Variants in VPS13B observed in about 807,000 individuals in gnomAD.
VPS13B encodes vacuolar protein sorting 13 homolog B.
Under a neutral mutation model 426.4 loss-of-function variants are expected in VPS13B, and 285 were observed. The observed-to-expected ratio is 0.67, with a 90% CI of 0.61 to 0.74. The LOEUF (loss-of-function observed/expected upper bound fraction) is 0.74. Among genes scored for constraint, VPS13B ranks in the 30% least tolerant of loss-of-function variants. The probability of loss-of-function intolerance (pLI) is 0.00; values close to 1 mark genes in which losing one functional copy is unlikely to be tolerated. For synonymous variants in VPS13B, 1,676 were observed against 1,676.4 expected, an observed-to-expected ratio of 1.00 and a Z score of 0.01; for missense variants, 4,537 against 4,782.6, an observed-to-expected ratio of 0.95 and a Z score of 1.51.
At chr8:99,670,772 A>G (rs1001035182) in intron 35 of VPS13B, among the ~76,000 whole-genome samples, 2 of 152,116 alleles carry the variant, frequency 1.3e-5, no homozygotes, top group Non-Finnish European at 2.9e-5. Context: ...ATTTAGCATA[A>G]TATCTTCAAG....
At chr8:99,819,151 T>C (rs1814219743) in intron 47 of VPS13B, among the ~76,000 whole-genome samples, 1 of 152,078 alleles carries the variant, frequency 6.6e-6, no homozygotes, top group Non-Finnish European at 1.5e-5. Flanking sequence ...TCAGAACTTT[T>C]AATTTAATTT....
At chr8:99,404,812 GTCT>G (rs956893846) in intron 21 of VPS13B, among the ~76,000 whole-genome samples, 11 of 152,118 alleles carry the variant, frequency 7.2e-5, no homozygotes, top group South Asian at 4.1e-4. Flanking sequence ...ACACGGTCTT[GTCT>G]TCTTCATTTA....
At chr8:99,517,938 C>T (rs1286014128) in intron 29 of VPS13B, among the ~76,000 whole-genome samples, 34 of 150,090 alleles carry the variant, frequency 2.3e-4, no homozygotes, top group Admixed American at 2.2e-3. Flanking sequence ...TTTTACATCT[C>T]GGTGATATAT....
intron 21 of VPS13B, among the ~76,000 whole-genome samples, chr8:99,399,771 A>T (rs1814934354): frequency 6.6e-6 from 1 of 152,160 alleles, no homozygotes; most frequent in Non-Finnish European, 1.5e-5. Flanking sequence ...GTATGTCTCC[A>T]TGTGTGCCGT....
chr8:99,781,200 C>T (rs1224781237), intron 42 of VPS13B, among the ~76,000 whole-genome samples: 2 of 152,128 alleles, frequency 1.3e-5, no homozygotes, highest in Non-Finnish European at 2.9e-5. Flanking sequence ...TTTCTTTTCC[C>T]TTTTATAAAT....
intron 15 of VPS13B, 135 bp downstream of exon 15, chr8:99,156,878 G>A: frequency 1.4e-6 from 1 of 740,292 alleles, no homozygotes. Flanking sequence ...GAAATAAGAT[G>A]TATTTATTCC....
chr8:99,389,421 C>T (rs1814301507), intron 20 of VPS13B, among the ~76,000 whole-genome samples: 2 of 152,196 alleles, frequency 1.3e-5, no homozygotes, highest in Admixed American at 1.3e-4. Context: ...TGGTCAAAAA[C>T]CCGTGTATAC....
chr8:99,549,789 C>CA lies in VPS13B; in HGVS notation c.4746-6660dup, dbSNP rs558494253. On this transcript the variant is annotated intron_variant, in intron 30 of 61. Transcript: ENST00000357162. ...CCAGGCCCGCTGTTCAGAGCCTTTT[C>CA]AGGGTTTCTAGATGTGCTACTGCCT... 5.9e-5 allele frequency among the ~76,000 whole-genome samples: 9 copies of CA among 152,186 alleles called. No homozygotes were observed. In the East Asian group the frequency reaches 1.4e-3, roughly 23 times the overall value.
intron 20 of VPS13B, among the ~76,000 whole-genome samples, chr8:99,389,888 G>T (rs1055252542): frequency 3.3e-5 from 5 of 151,910 alleles, no homozygotes; most frequent in Non-Finnish European, 5.9e-5. Flanking sequence ...AGTATAAGAG[G>T]TTTTCTAGTC....
rs748727467 is a variant in VPS13B at position 99,859,378 on chromosome 8, G to T, written c.10942G>T (p.Asp3648Tyr). ...GAGAAGCATCGGGAACGGGGTCGCC[G>T]ACTTCTTCAGGCTTCCGTATGAGGG... ...LVRSIGNGVA[D>Y]FFRLPYEGLT... Residue 3648 changes from aspartate to tyrosine, a missense_variant, in exon 57 of 62, where the codon GAC becomes TAC. This residue lies in a region of VPS13B where 4,311 missense variants were observed against 4,474.3 expected (regional missense o/e 0.96). Transcript: ENST00000357162. 1.2e-6 allele frequency: 2 copies of T among 1,614,028 alleles called. No individual in the cohort carries two copies. Among genetic ancestry groups the T allele is most frequent in the South Asian group, 2.2e-5 (2 of 91,060 alleles).
At chr8:99,099,664 T>C (rs371073009) in intron 4 of VPS13B, among the ~76,000 whole-genome samples, 4 of 152,132 alleles carry the variant, frequency 2.6e-5, no homozygotes, top group African/African-American at 9.7e-5. Context: ...AGGTGTAGGA[T>C]GGAGGACATT....
chr8:99,444,673 T>G (rs1252658181), intron 23 of VPS13B, among the ~76,000 whole-genome samples: 1 of 152,112 alleles, frequency 6.6e-6, no homozygotes. Context: ...TTATTTCTTT[T>G]TATTTATTTA....
intron 33 of VPS13B, among the ~76,000 whole-genome samples, chr8:99,586,102 T>C (rs1398691104): frequency 6.6e-6 from 1 of 152,160 alleles, no homozygotes; most frequent in African/African-American, 2.4e-5. Context: ...ATCCTCAGAG[T>C]TTGACAGAAA....
chr8:99,233,538 A>AT (rs1816469843), intron 17 of VPS13B: 1 of 1,132,610 alleles, frequency 8.8e-7, no homozygotes, highest in East Asian at 2.3e-5. Flanking sequence ...CAAACTGGTG[A>AT]TGGGGGTACA....
At chr8:99,083,378 G>A (rs976796417) in intron 3 of VPS13B, among the ~76,000 whole-genome samples, 8 of 152,132 alleles carry the variant, frequency 5.3e-5, no homozygotes, top group African/African-American at 1.4e-4. Context: ...GGGTTTTCTA[G>A]ATATACAATC....
chr8:99,870,907 T>C lies in VPS13B; in HGVS notation c.11495+20T>C. The C allele has an allele frequency of 6.2e-7, 1 of 1,608,102 alleles. No individual in the cohort carries two copies. Among genetic ancestry groups the C allele is most frequent in the Non-Finnish European group, 8.5e-7 (1 of 1,174,590 alleles). On this transcript the variant is annotated intron_variant, in intron 60 of 61. Coordinates refer to ENST00000357162, the MANE Select transcript of VPS13B (RefSeq NM_152564.5). ...TGTCTGGTAAAATTATTGAGATACG[T>C]GCTCAACTTTACATCCATATTGTAT...
At chr8:99,480,218 C>A (rs1819963195) in intron 24 of VPS13B, among the ~76,000 whole-genome samples, 6 of 152,160 alleles carry the variant, frequency 3.9e-5, no homozygotes, top group Admixed American at 3.9e-4. Flanking sequence ...AGTCTGAGTT[C>A]TGTTAGCAAC....
chr8:99,367,468 A>C (rs181544307), intron 19 of VPS13B, among the ~76,000 whole-genome samples: 2 of 152,042 alleles, frequency 1.3e-5, no homozygotes, highest in East Asian at 3.9e-4. Flanking sequence ...ATTTCATAAG[A>C]TTGTCTTCTT....
intron 21 of VPS13B, among the ~76,000 whole-genome samples, chr8:99,410,220 C>A (rs915703248): frequency 3.9e-5 from 6 of 152,180 alleles, no homozygotes; most frequent in African/African-American, 9.7e-5. Context: ...TTTTCACTAT[C>A]TCTTGGTACC....
Sources: allele counts gnomAD v4.1 joint callset (sites outside exome capture counted in the v4.1 genomes callset), GRCh38; gene constraint gnomAD v4.1.1; regional missense constraint gnomAD v4.1.1; transcripts MANE v1.5; gene names NCBI Gene and HGNC (gene_info 2026-07-23, HGNC 2026-07-21).